KIF13A: variants seen among roughly 807,000 people sequenced by gnomAD.
The protein encoded by KIF13A is kinesin-like protein KIF13A.
KIF13A carries 79 observed loss-of-function variants against 212.2 expected under a neutral mutation model. The ratio of observed to expected loss-of-function variants is 0.37; its 90% CI spans 0.31 to 0.45. The LOEUF is 0.45. KIF13A is among the 20% of genes least tolerant of loss of function. The pLI is 1.00. For synonymous variants in KIF13A, 789 were observed against 808.6 expected, an observed-to-expected ratio of 0.98 and a Z score of 0.41; for missense variants, 1,901 against 2,209.0, an observed-to-expected ratio of 0.86 and a Z score of 2.79.
At chr6:17,978,874 C>G (rs985143780) in intron 2 of KIF13A, among the ~76,000 whole-genome samples, 1 of 152,180 alleles carries the variant, frequency 6.6e-6, no homozygotes, top group South Asian at 2.1e-4. Flanking sequence ...GGATGATAAA[C>G]TAGCTATTTT....
At position 17,800,026 on chromosome 6, in the gene KIF13A, T is replaced by C. The variant is rs749992718; in HGVS notation, c.2542A>G (p.Ser848Gly). 40 of 1,613,916 alleles carry C rather than the reference T, an allele frequency of 2.5e-5. No homozygotes were observed. The Middle Eastern group carries it at 4.9e-4, about 20-fold the overall frequency. Residue 848 changes from serine (S) to glycine (G), a missense_variant, in exon 21 of 39, where the codon AGT becomes GGT. Ser to Gly is a moderately conservative substitution (Grantham distance 56, BLOSUM62 0). Transcript: ENST00000259711. ...ACGACTTCAAGGCTCCCACTTTCAC[T>C]GGAATTCTCCGAAGAGTCATCCTCC... ...VVEDDSSENS[S>G]ESGSLEVVDS...
rs547994639 is a variant in KIF13A, at chr6:17,971,588, C to A, written c.146+15466G>T. On this transcript the variant is annotated intron_variant, in intron 2 of 38. Transcript: ENST00000259711. This position sits in a 1 kb window ranked among gnomAD's most constrained non-coding sequence, Gnocchi z 4.2. ...AAGTGAGCACTACTACCACACCCAG[C>A]TAATTTTTCTATTTTTTGTAGAGAT... 1.3e-5 allele frequency among the ~76,000 whole-genome samples: 2 copies of A among 152,056 alleles called. No individual in the cohort carries two copies. The highest frequency in any genetic ancestry group is 4.2e-4 in the South Asian group (2 of 4,810).
At chr6:17,830,792 C>T (rs1049895907) in intron 13 of KIF13A, among the ~76,000 whole-genome samples, 3 of 152,132 alleles carry the variant, frequency 2.0e-5, no homozygotes, top group African/African-American at 7.2e-5. Context: ...CAGATATTCC[C>T]AGAATCCTCA....
chr6:17,808,509 T>C (rs1206978404), intron 18 of KIF13A, among the ~76,000 whole-genome samples: 2 of 152,242 alleles, frequency 1.3e-5, no homozygotes, highest in African/African-American at 4.8e-5. Flanking sequence ...TCCAGTTTTA[T>C]TGTTTTAAAG....
chr6:17,921,078 T>C (rs116522472), intron 2 of KIF13A, among the ~76,000 whole-genome samples: 32 of 152,214 alleles, frequency 2.1e-4, no homozygotes, highest in Middle Eastern at 6.8e-3. Flanking sequence ...AATGACACCT[T>C]TCCCAAAGAT....
At chr6:17,847,986 C>A (rs2150395558) in intron 9 of KIF13A, among the ~76,000 whole-genome samples, 1 of 151,714 alleles carries the variant, frequency 6.6e-6, no homozygotes, top group South Asian at 2.1e-4. Flanking sequence ...TAATTTTTTG[C>A]ATTTTTAGTA....
rs76476340 is a variant in KIF13A, at chr6:17,925,856, G to A, written c.147-27676C>T. ...GGACACTAAAATGTCAGTTAGCTCTGGAAATTAGTTATTAATGAAGAGGAT... is the reference window on the plus strand; with the variant it reads ...GGACACTAAAATGTCAGTTAGCTCTAGAAATTAGTTATTAATGAAGAGGAT... On this transcript the variant is annotated intron_variant, in intron 2 of 38. Coordinates refer to ENST00000259711, the MANE Select transcript of KIF13A (RefSeq NM_022113.6). Among the ~76,000 whole-genome samples the A allele has an allele frequency of 6.4e-3, 979 of 152,296 alleles. 17 individuals are homozygous for A. The highest frequency in any genetic ancestry group is 0.022 in the African/African-American group (902 of 41,542).
intron 2 of KIF13A, among the ~76,000 whole-genome samples, chr6:17,903,616 C>T (rs1036792883): frequency 3.3e-5 from 5 of 151,956 alleles, no homozygotes; most frequent in Admixed American, 2.6e-4. Flanking sequence ...CAGAACAGAG[C>T]GATCAAAGCT....
rs758936958 is a variant in KIF13A at position 17,769,564 on chromosome 6, G to C, written c.4581+1550C>G. Among the ~76,000 whole-genome samples, 1 of 152,130 alleles carries C rather than the reference G, an allele frequency of 6.6e-6. No homozygotes were observed. Among genetic ancestry groups the C allele is most frequent in the Non-Finnish European group, 1.5e-5 (1 of 68,020 alleles). Reference sequence around the variant, plus strand: ...ATTAAAGAGAAAGTGAAGAAAACACGAGCCTAGCTCTGTGAACTGTGAAAC... The same window carrying C: ...ATTAAAGAGAAAGTGAAGAAAACACCAGCCTAGCTCTGTGAACTGTGAAAC... On this transcript the variant is annotated intron_variant, in intron 38 of 38. Transcript: ENST00000259711. The surrounding 1 kb of genome is among the most constrained non-coding windows in gnomAD (Gnocchi z 5.8).
At chr6:17,896,404 C>A (rs1365554133) in intron 3 of KIF13A, among the ~76,000 whole-genome samples, 1 of 152,196 alleles carries the variant, frequency 6.6e-6, no homozygotes, top group African/African-American at 2.4e-5. Context: ...TTTATTCTTA[C>A]ATAATCATCA....
intron 3 of KIF13A, among the ~76,000 whole-genome samples, chr6:17,874,007 T>G (rs1770261181): frequency 6.6e-6 from 1 of 152,178 alleles, no homozygotes; most frequent in Non-Finnish European, 1.5e-5. Flanking sequence ...ACGAGATATT[T>G]TTTTCCACAA....
chr6:17,835,856 G>A (rs1260812884), intron 11 of KIF13A, among the ~76,000 whole-genome samples: 1 of 151,992 alleles, frequency 6.6e-6, no homozygotes, highest in Non-Finnish European at 1.5e-5. Context: ...ATAAATAATG[G>A]CCATTAACTG....
At chr6:17,980,814 T>C (rs1255972430) in intron 2 of KIF13A, among the ~76,000 whole-genome samples, 1 of 152,090 alleles carries the variant, frequency 6.6e-6, no homozygotes, top group Non-Finnish European at 1.5e-5. Flanking sequence ...TAAATATTGA[T>C]CCAACCAAAA....
At chr6:17,797,097 T>C (rs1383055948) in intron 22 of KIF13A, among the ~76,000 whole-genome samples, 1 of 151,614 alleles carries the variant, frequency 6.6e-6, no homozygotes, top group Non-Finnish European at 1.5e-5. Flanking sequence ...TGGTGCGATC[T>C]CCGCTCACTA....
intron 2 of KIF13A, among the ~76,000 whole-genome samples, chr6:17,917,750 C>T (rs1012480436): frequency 6.6e-6 from 1 of 152,142 alleles, no homozygotes; most frequent in Non-Finnish European, 1.5e-5. Flanking sequence ...AAATAAATTT[C>T]CTATCATTTA....
intron 4 of KIF13A, among the ~76,000 whole-genome samples, chr6:17,869,264 GT>G (rs1221603571): frequency 6.6e-6 from 1 of 152,064 alleles, no homozygotes; most frequent in African/African-American, 2.4e-5. Flanking sequence ...AGGTCTAGCA[GT>G]TTGTGGCAAA....
intron 2 of KIF13A, among the ~76,000 whole-genome samples, chr6:17,935,082 T>C (rs1192076142): frequency 6.6e-6 from 1 of 152,178 alleles, no homozygotes; most frequent in African/African-American, 2.4e-5. Flanking sequence ...TTTTGGCTAG[T>C]TGTGTTATTT....
chr6:17,853,024 T>C (rs1767805478), intron 6 of KIF13A, among the ~76,000 whole-genome samples: 1 of 152,198 alleles, frequency 6.6e-6, no homozygotes, highest in African/African-American at 2.4e-5. Context: ...CACACCATCT[T>C]TTTCAGGGCA....
chr6:17,760,871 T>G (rs1341174260), downstream of KIF13A: 1 of 1,613,670 alleles, frequency 6.2e-7, no homozygotes, highest in African/African-American at 1.3e-5. Context: ...CGTGAGGTTG[T>G]GCCTCCCTGG....
Sources: gnomAD v4.1 joint callset for allele counts (sites outside exome capture counted in the v4.1 genomes callset) on GRCh38, gnomAD v4.1.1 for gene constraint, Gnocchi (gnomAD v3.1) non-coding constraint, MANE v1.5 for transcripts, NCBI Gene and HGNC (gene_info 2026-07-23, HGNC 2026-07-21) for gene names.